R3HDM2: variants seen among roughly 807,000 people sequenced by gnomAD.
R3HDM2 encodes R3H domain-containing protein 2.
R3HDM2 carries 38 observed loss-of-function variants against 124.5 expected under a neutral mutation model. That is an observed-to-expected ratio of 0.31 (90% CI 0.24 to 0.40). The LOEUF is 0.40. Among genes scored for constraint, R3HDM2 ranks in the 10% least tolerant of loss-of-function variants. The pLI is 1.00. For missense variants in R3HDM2, 869 were observed against 1,236.9 expected, an observed-to-expected ratio of 0.70 and a Z score of 4.46; for synonymous variants, 391 against 448.0, an observed-to-expected ratio of 0.87 and a Z score of 1.61.
chr12:57,319,665 C>T (rs769337981), intron 2 of R3HDM2, among the ~76,000 whole-genome samples: 5 of 152,174 alleles, frequency 3.3e-5, no homozygotes, highest in Admixed American at 1.3e-4. Context: ...TTTCAAATCA[C>T]ATGGCTTTAA....
chr12:57,427,662 A>C (rs1321780243), intron 1 of R3HDM2, among the ~76,000 whole-genome samples: 1 of 150,940 alleles, frequency 6.6e-6, no homozygotes, highest in Non-Finnish European at 1.5e-5. Flanking sequence ...GAAGCTTTCT[A>C]CTAGGGGAGA....
At chr12:57,286,060 T>G (rs2047259811) in intron 12 of R3HDM2, among the ~76,000 whole-genome samples, 1 of 152,172 alleles carries the variant, frequency 6.6e-6, no homozygotes, top group Admixed American at 6.5e-5. Flanking sequence ...TTTCCCTCTC[T>G]ACAAATAAAA....
intron 2 of R3HDM2, among the ~76,000 whole-genome samples, chr12:57,364,043 T>A (rs2062291126): frequency 6.6e-6 from 1 of 152,054 alleles, no homozygotes; most frequent in South Asian, 2.1e-4. Flanking sequence ...GTTATCAGAA[T>A]CATTAGCTTG....
At chr12:57,268,785 G>GA in intron 17 of R3HDM2, 137 bp downstream of exon 17, 4 of 1,183,558 alleles carry the variant, frequency 3.4e-6, no homozygotes, top group Non-Finnish European at 3.5e-6. Context: ...TCCGTTATAG[G>GA]AAAAAAACCT....
chr12:57,256,282 G>T (rs2038976907), intron 22 of R3HDM2, 132 bp downstream of exon 22: 4 of 906,800 alleles, frequency 4.4e-6, no homozygotes, highest in Admixed American at 2.6e-5. Context: ...AGTATAGGAG[G>T]TAGGGCAAGG....
At chr12:57,411,538 C>T (rs2069003918) in intron 1 of R3HDM2, among the ~76,000 whole-genome samples, 1 of 152,158 alleles carries the variant, frequency 6.6e-6, no homozygotes, top group South Asian at 2.1e-4. Flanking sequence ...TATATGTTTC[C>T]ACATCAAAGG....
intron 13 of R3HDM2, 31 bp downstream of exon 13, chr12:57,283,793 G>A (rs752744575): frequency 1.3e-6 from 2 of 1,594,888 alleles, no homozygotes; most frequent in Admixed American, 1.7e-5. Flanking sequence ...GAAGGGATGG[G>A]TATGACATGG....
chr12:57,295,441 A>T lies in R3HDM2; in HGVS notation c.768T>A (p.Ile256=). ...EKNTEFQQRF[I]LKRDDASMDR... ...CCATACTGGCATCATCTCTCTTGAGAATGAACCTCTGTTGAAATTCTGTAT... is the reference window on the plus strand; with the variant it reads ...CCATACTGGCATCATCTCTCTTGAGTATGAACCTCTGTTGAAATTCTGTAT... Residue 256 remains isoleucine, a synonymous_variant, in exon 10 of 24, where the codon ATT becomes ATA. Transcript: ENST00000402412. 5 of 1,551,854 alleles carry T rather than the reference A, an allele frequency of 3.2e-6. No homozygotes were observed. The highest frequency in any genetic ancestry group is 4.4e-6 in the Non-Finnish European group (5 of 1,147,022).
chr12:57,430,450 A>ATT lies in R3HDM2; in HGVS notation c.-106+269_-106+270insAA, dbSNP rs1869528038. ...GCACTGGAAGGGCGCAATAGTTTTTAGGTCACCCCGCAAAGGCCACAGGTG... is the reference window on the plus strand; with the variant it reads ...GCACTGGAAGGGCGCAATAGTTTTTATTGGTCACCCCGCAAAGGCCACAGGTG... On this transcript the variant is annotated intron_variant, in intron 1 of 23. Transcript: ENST00000402412. 7.7e-6 allele frequency: 7 copies of ATT among 904,640 alleles called. No homozygotes were observed. In the South Asian group the frequency reaches 2.5e-4, roughly 33 times the overall value. The allele number at this position is 904,640 out of a possible 1,614,324, so 56.0% of individuals were successfully genotyped here. A position where few individuals can be genotyped will look rare whatever the true frequency, so the allele number is the denominator to read the frequency against.
chr12:57,285,566 G>A (rs1011255216), intron 12 of R3HDM2, among the ~76,000 whole-genome samples: 19 of 152,116 alleles, frequency 1.2e-4, no homozygotes, highest in Non-Finnish European at 2.6e-4. Context: ...GCCAAAAGTA[G>A]AATGGGAAAC....
chr12:57,423,823 A>G (rs1261015200), intron 1 of R3HDM2, among the ~76,000 whole-genome samples: 1 of 145,564 alleles, frequency 6.9e-6, no homozygotes, highest in African/African-American at 2.5e-5. Context: ...AAAAAAAAAA[A>G]AAAAAAAAAG....
chr12:57,257,182 G>A (rs1056380711), intron 21 of R3HDM2, among the ~76,000 whole-genome samples: 1 of 152,152 alleles, frequency 6.6e-6, no homozygotes, highest in African/African-American at 2.4e-5. Flanking sequence ...TCTGACTCAT[G>A]TGAGAGGCAG....
intron 4 of R3HDM2, among the ~76,000 whole-genome samples, chr12:57,302,078 C>T (rs531926975): frequency 4.6e-5 from 7 of 151,966 alleles, no homozygotes; most frequent in South Asian, 2.1e-4. Flanking sequence ...CCCAGGAGTT[C>T]GAGAACAGCC....
intron 2 of R3HDM2, among the ~76,000 whole-genome samples, chr12:57,386,033 A>C (rs1274711578): frequency 6.6e-6 from 1 of 152,188 alleles, no homozygotes; most frequent in African/African-American, 2.4e-5. Flanking sequence ...AATAATTACA[A>C]AAATAAAAAA....
chr12:57,285,240 T>C (rs1379705125), intron 12 of R3HDM2, among the ~76,000 whole-genome samples: 1 of 152,208 alleles, frequency 6.6e-6, no homozygotes, highest in Non-Finnish European at 1.5e-5. Flanking sequence ...GGCATTTTTC[T>C]TAAGGGCATT....
chr12:57,369,711 G>C (rs552383342), intron 2 of R3HDM2, among the ~76,000 whole-genome samples: 1 of 152,294 alleles, frequency 6.6e-6, no homozygotes, highest in Non-Finnish European at 1.5e-5. Flanking sequence ...CCCATGGTAA[G>C]ATGGATGAGG....
At chr12:57,309,740 A>G (rs1489520978) in intron 3 of R3HDM2, among the ~76,000 whole-genome samples, 1 of 152,260 alleles carries the variant, frequency 6.6e-6, no homozygotes, top group Non-Finnish European at 1.5e-5. Flanking sequence ...ATGCAGCAAG[A>G]ACCAGTGAAC....
At chr12:57,419,898 G>A (rs1019324428) in intron 1 of R3HDM2, among the ~76,000 whole-genome samples, 2 of 151,666 alleles carry the variant, frequency 1.3e-5, no homozygotes, top group African/African-American at 2.4e-5. Flanking sequence ...ACAGCTATTC[G>A]AACTTGCCTC....
At chr12:57,368,328 C>T (rs1305108110) in intron 2 of R3HDM2, among the ~76,000 whole-genome samples, 2 of 152,190 alleles carry the variant, frequency 1.3e-5, no homozygotes, top group African/African-American at 4.8e-5. Context: ...AACACTTCAA[C>T]TAGCACGGTA....
Sources: allele counts gnomAD v4.1 joint callset (sites outside exome capture counted in the v4.1 genomes callset), GRCh38; gene constraint gnomAD v4.1.1; transcripts MANE v1.5; gene names NCBI Gene and HGNC (gene_info 2026-07-23, HGNC 2026-07-21).